Variants in RIMS3 observed in about 807,000 individuals in gnomAD.
RIMS3 encodes the protein regulating synaptic membrane exocytosis 3.
In RIMS3, 15 loss-of-function variants were observed where a neutral mutation model predicts 29.2. That is an observed-to-expected ratio of 0.51 (90% CI 0.34 to 0.79). RIMS3 has a LOEUF of 0.79. Among genes scored for constraint, RIMS3 ranks in the 30% least tolerant of loss-of-function variants. RIMS3 has a pLI of 0.01. For synonymous variants in RIMS3, 161 were observed against 170.1 expected, an observed-to-expected ratio of 0.95 and a Z score of 0.41; for missense variants, 342 against 421.4, an observed-to-expected ratio of 0.81 and a Z score of 1.65.
chr1:40,669,864 AC>A (rs1642469135), upstream of RIMS3, among the ~76,000 whole-genome samples: 1 of 152,026 alleles, frequency 6.6e-6, no homozygotes, highest in Admixed American at 6.6e-5. Context: ...ATGCTTTCTC[AC>A]CCCAGTTCAA....
At position 40,626,025 on chromosome 1, in the gene RIMS3, C is replaced by T; in HGVS notation, c.*492G>A. 1 of 178,230 alleles carries T rather than the reference C, an allele frequency of 5.6e-6. No individual in the cohort carries two copies. The highest frequency in any genetic ancestry group is 1.2e-5 in the Non-Finnish European group (1 of 82,486). 11.0% of individuals were successfully genotyped at this position (178,230 alleles called of 1,614,324 possible). The stretch of plus-strand genomic sequence containing the variant: ...TGCTACATTTCTCAGAAAACAGTGG[C>T]AGAGCCGGGAGAGTCAAGAGTGGAA... On this transcript the variant is annotated 3_prime_UTR_variant, in exon 8 of 8. Transcript: ENST00000372684.
intron 3 of RIMS3, 82 bp downstream of exon 3, chr1:40,641,627 G>T: frequency 7.3e-7 from 1 of 1,372,244 alleles, no homozygotes; most frequent in Non-Finnish European, 1.0e-6. Flanking sequence ...TGGAAGTGCA[G>T]ACCCATCAGG....
chr1:40,651,237 C>A lies in RIMS3; in HGVS notation c.-206-3395G>T, dbSNP rs1333735609. Reference sequence around the variant, plus strand: ...AGATCATGCTGGAGAAGGGTGGGTCCCTCATCCAATATAACCAGTGTCCTT... The same window carrying A: ...AGATCATGCTGGAGAAGGGTGGGTCACTCATCCAATATAACCAGTGTCCTT... On this transcript the variant is annotated intron_variant, in intron 1 of 7. Transcript: ENST00000372684. 3.9e-5 allele frequency among the ~76,000 whole-genome samples: 6 copies of A among 152,210 alleles called. No individual in the cohort carries two copies. The East Asian group carries it at 9.6e-4, about 24-fold the overall frequency.
intron 5 of RIMS3, among the ~76,000 whole-genome samples, chr1:40,632,018 G>A (rs779522665): frequency 5.9e-5 from 9 of 152,110 alleles, no homozygotes; most frequent in Admixed American, 2.6e-4. Context: ...CATAGTGTTT[G>A]CATATAATCT....
the RIMS3 span, among the ~76,000 whole-genome samples, chr1:40,675,718 A>T: frequency 7.0e-6 from 1 of 142,282 alleles, no homozygotes; most frequent in Non-Finnish European, 1.5e-5. Context: ...AGATCGTGCC[A>T]TTGCACTCCA....
At chr1:40,667,913 G>A (rs975384714), upstream of RIMS3, among the ~76,000 whole-genome samples, 2 of 152,162 alleles carry the variant, frequency 1.3e-5, no homozygotes, top group African/African-American at 4.8e-5. Context: ...CAGATCACTT[G>A]AGACTAGCCT....
the RIMS3 span, among the ~76,000 whole-genome samples, chr1:40,686,476 CCCA>C: frequency 2.0e-5 from 3 of 152,002 alleles, no homozygotes; most frequent in Non-Finnish European, 4.4e-5. Context: ...CACGGTGAAA[CCCA>C]CCGTTTCTAC....
the RIMS3 span, among the ~76,000 whole-genome samples, chr1:40,677,719 T>TA: frequency 1.3e-5 from 2 of 151,512 alleles, no homozygotes; most frequent in African/African-American, 2.4e-5. Context: ...AATAAATAAA[T>TA]AATTAATTAA....
At chr1:40,682,741 CTTTTT>C in the RIMS3 span, among the ~76,000 whole-genome samples, 3 of 77,512 alleles carry the variant, frequency 3.9e-5, no homozygotes, top group African/African-American at 1.1e-4. Context: ...CTTTGCAGAT[CTTTTT>C]TTTTTTTTTT....
intron 3 of RIMS3, among the ~76,000 whole-genome samples, chr1:40,639,711 G>A (rs761892375): frequency 2.0e-4 from 30 of 152,234 alleles, no homozygotes; most frequent in Admixed American, 2.0e-4. Flanking sequence ...ACTTGAGGTC[G>A]TTCTCCAGGA....
chr1:40,621,021 T>G lies in RIMS3; in HGVS notation c.*5496A>C, dbSNP rs1421412626. 1 of 152,396 alleles carries G rather than the reference T, an allele frequency of 6.6e-6. No individual in the cohort carries two copies. The highest frequency in any genetic ancestry group is 1.5e-5 in the Non-Finnish European group (1 of 68,046). The allele number at this position is 152,396 out of a possible 1,614,324, so 9.4% of individuals were successfully genotyped here. The stretch of plus-strand genomic sequence containing the variant: ...GAGTTTACATGCTAAAGGAGTTGGT[T>G]GAGCTATCAGGCCCACTCTTCCTAA... On this transcript the variant is annotated 3_prime_UTR_variant, in exon 8 of 8. Coordinates refer to ENST00000372684, the MANE Select transcript of RIMS3 (RefSeq NM_014747.3).
the RIMS3 span, among the ~76,000 whole-genome samples, chr1:40,685,322 T>C: frequency 1.1e-4 from 2 of 18,052 alleles, no homozygotes; most frequent in African/African-American, 6.1e-4. Context: ...ATATAATTAT[T>C]AATATATAAT....
the RIMS3 span, among the ~76,000 whole-genome samples, chr1:40,686,237 CAAT>C: frequency 5.8e-4 from 88 of 152,326 alleles, 1 homozygote; most frequent in East Asian, 0.011. Context: ...CCACAGCTTA[CAAT>C]GTGCCACTTG....
the RIMS3 span, among the ~76,000 whole-genome samples, chr1:40,687,297 A>G: frequency 3.0e-4 from 39 of 131,578 alleles, no homozygotes; most frequent in Admixed American, 2.4e-3. Context: ...ACTGAAATGT[A>G]TACTTAAAGA....
chr1:40,638,964 T>C (rs1557671718), intron 3 of RIMS3, among the ~76,000 whole-genome samples: 1 of 152,122 alleles, frequency 6.6e-6, no homozygotes, highest in East Asian at 1.9e-4. Flanking sequence ...AGGAATAAAC[T>C]GGAAGAAGGC....
At chr1:40,639,770 A>G (rs1372361146) in intron 3 of RIMS3, among the ~76,000 whole-genome samples, 1 of 152,048 alleles carries the variant, frequency 6.6e-6, no homozygotes, top group Non-Finnish European at 1.5e-5. Flanking sequence ...AAATAAGTAC[A>G]GCGTACTAGA....
At chr1:40,653,706 G>A (rs1472037024) in intron 1 of RIMS3, among the ~76,000 whole-genome samples, 13 of 152,172 alleles carry the variant, frequency 8.5e-5, no homozygotes, top group African/African-American at 2.9e-4. Context: ...CCACATGGCT[G>A]GGGAACTCCC....
intron 2 of RIMS3, among the ~76,000 whole-genome samples, chr1:40,642,622 A>G (rs1210596234): frequency 6.6e-6 from 1 of 152,168 alleles, no homozygotes; most frequent in Non-Finnish European, 1.5e-5. Context: ...CTGAACTCAT[A>G]CTGCAAATAT....
rs1646421393 is a variant in RIMS3, at chr1:40,621,597, G to T, written c.*4920C>A. On this transcript the variant is annotated 3_prime_UTR_variant, in exon 8 of 8. Coordinates refer to ENST00000372684, the MANE Select transcript of RIMS3 (RefSeq NM_014747.3). Reference sequence around the variant, plus strand: ...TTAATTAAAACTGGGAGGGAATCATGGGGAGAGCAGCTAATGCTCTGATTT... The same window carrying T: ...TTAATTAAAACTGGGAGGGAATCATTGGGAGAGCAGCTAATGCTCTGATTT... The T allele has an allele frequency of 6.6e-6, 1 of 152,214 alleles. No individual in the cohort carries two copies. The highest frequency in any genetic ancestry group is 1.5e-5 in the Non-Finnish European group (1 of 68,048). The allele number at this position is 152,214 out of a possible 1,614,324, so 9.4% of individuals were successfully genotyped here. A position where few individuals can be genotyped will look rare whatever the true frequency, so the allele number is the denominator to read the frequency against.
Sources: allele counts gnomAD v4.1 joint callset (sites outside exome capture counted in the v4.1 genomes callset), GRCh38; gene constraint gnomAD v4.1.1; transcripts MANE v1.5; gene names NCBI Gene and HGNC (gene_info 2026-07-23, HGNC 2026-07-21).